Variants in PALM observed in about 807,000 individuals in gnomAD.
PALM encodes the protein paralemmin-1.
PALM carries 18 observed loss-of-function variants against 30.7 expected under a neutral mutation model. The ratio of observed to expected loss-of-function variants is 0.59; its 90% CI spans 0.41 to 0.87. PALM has a LOEUF of 0.87. PALM is among the 40% of genes least tolerant of loss of function. The pLI, the probability that PALM is intolerant of heterozygous loss-of-function variation, is 0.00. For synonymous variants in PALM, 286 were observed against 242.8 expected, an observed-to-expected ratio of 1.18 and a Z score of -1.66; for missense variants, 529 against 555.4, an observed-to-expected ratio of 0.95 and a Z score of 0.48.
chr19:731,115 T>A lies in PALM; in HGVS notation c.290T>A (p.Val97Glu). Residue 97 changes from valine (V) to glutamate (E), a missense_variant, in exon 5 of 9, where the codon GTG (valine) becomes GAG (glutamate). Coordinates refer to ENST00000338448, the MANE Select transcript of PALM (RefSeq NM_002579.3). ...CCCAGGTTGGAGAAGGAAATTGAGG[T>A]GCTGGAGCGTGGAGACTCCGCCCCA... ...SVSRLEKEIE[V>E]LERGDSAPAT... The A allele has an allele frequency of 6.2e-7, 1 of 1,600,084 alleles. No homozygotes were observed. Among genetic ancestry groups the A allele is most frequent in the Non-Finnish European group, 8.5e-7 (1 of 1,173,788 alleles).
Position 742,201 on chromosome 19 carries a change from C to A in PALM, c.634+1718C>A, listed in dbSNP as rs8108278. On this transcript the variant is annotated intron_variant, in intron 8 of 8. Transcript: ENST00000338448. The surrounding 1 kb of genome is among the most constrained non-coding windows in gnomAD (Gnocchi z 5.5). The stretch of plus-strand genomic sequence containing the variant: ...GAAGCCCCATCCCCATCAGCTGTCA[C>A]TTCCTGTCCCCTCCCCAGTCAGCGT... Among the ~76,000 whole-genome samples the A allele has an allele frequency of 7.9e-5, 12 of 152,114 alleles. No homozygotes were observed. Among genetic ancestry groups the A allele is most frequent in the Non-Finnish European group, 1.5e-4 (10 of 68,022 alleles).
chr19:744,880 G>C (rs11085206), intron 8 of PALM, among the ~76,000 whole-genome samples: 59,905 of 146,468 alleles, frequency 0.41, 12,899 homozygotes, highest in Middle Eastern at 0.56. Context: ...GGCGACAGAG[G>C]GAGTCAAAAA....
intron 4 of PALM, among the ~76,000 whole-genome samples, chr19:730,727 C>T (rs549235494): frequency 6.6e-6 from 1 of 152,224 alleles, no homozygotes; most frequent in African/African-American, 2.4e-5. Context: ...AGGCCGAGTG[C>T]GGTGGGTCAC....
In PALM at chr19:746,638, G is replaced by A. The variant is rs762171026; in HGVS notation, c.988G>A (p.Val330Ile). 50 of 1,612,810 alleles carry A rather than the reference G, an allele frequency of 3.1e-5. No homozygotes were observed. The highest frequency in any genetic ancestry group is 1.6e-4 in the Middle Eastern group (1 of 6,084). Residue 330 changes from valine to isoleucine, a missense_variant, in exon 9 of 9, where the codon GTC becomes ATC. Val to Ile is a conservative substitution (Grantham distance 29). Coordinates refer to ENST00000338448, the MANE Select transcript of PALM (RefSeq NM_002579.3). This position sits in a 1 kb window ranked among gnomAD's most constrained non-coding sequence, Gnocchi z 7.1. ...LQDTITAELV[V>I]IEDAAEPKEP... ...AGATACCATCACGGCGGAGCTGGTG[G>A]TCATCGAAGACGCGGCTGAGCCCAA...
At chr19:711,155 A>G in intron 1 of PALM, 1 of 974,900 alleles carries the variant, frequency 1.0e-6, no homozygotes, top group East Asian at 1.1e-4. Flanking sequence ...TGAGGATTTA[A>G]GGAGAACTAG....
chr19:716,349 G>A (rs1436531044), intron 1 of PALM, among the ~76,000 whole-genome samples: 1 of 152,014 alleles, frequency 6.6e-6, no homozygotes, highest in African/African-American at 2.4e-5. Context: ...GGAGGAGGTT[G>A]CAGTGAGCCG....
In PALM at chr19:736,103, C is replaced by T. The variant is rs780178124; in HGVS notation, c.502+25C>T. On this transcript the variant is annotated intron_variant, in intron 7 of 8. Transcript: ENST00000338448. The stretch of plus-strand genomic sequence containing the variant: ...GGTGGGTTGGCCCCCAGGCTCTGGG[C>T]CCCAGATCCAGCCGCTGTCAGGGAC... 1.1e-5 allele frequency: 17 copies of T among 1,579,644 alleles called. No individual in the cohort carries two copies. The South Asian group carries it at 1.7e-4, about 16-fold the overall frequency.
intron 4 of PALM, among the ~76,000 whole-genome samples, chr19:730,721 C>T (rs1230581818): frequency 2.0e-5 from 3 of 152,084 alleles, no homozygotes; most frequent in Non-Finnish European, 4.4e-5. Flanking sequence ...AGAGCTAGGC[C>T]GAGTGCGGTG....
At chr19:736,679 A>G (rs1165769908) in intron 7 of PALM, among the ~76,000 whole-genome samples, 1 of 152,230 alleles carries the variant, frequency 6.6e-6, no homozygotes, top group Non-Finnish European at 1.5e-5. Context: ...GGCCCGGCAC[A>G]GGACAGGAGC....
chr19:736,382 C>T (rs73508313), intron 7 of PALM, among the ~76,000 whole-genome samples: 2,661 of 152,302 alleles, frequency 0.017, 83 homozygotes, highest in African/African-American at 0.06. Flanking sequence ...TCACGGCTCC[C>T]TCCTGGGGCC....
chr19:728,627 G>T (rs545784239), intron 4 of PALM, among the ~76,000 whole-genome samples: 1 of 152,068 alleles, frequency 6.6e-6, no homozygotes. Context: ...GACCAACATC[G>T]TGAAACCCCA....
At position 731,225 on chromosome 19, in the gene PALM, G is replaced by A. The variant is rs1377236370; in HGVS notation, c.400G>A (p.Val134Met). ...AGCCAAGGAGGAGCGCAAGACAGAG[G>A]TGGTGATGAATTCACAGCAGGTAAG... ...SPAKEERKTE[V>M]VMNSQQTPVG... The change falls in exon 5 of 9, where the codon GTG becomes ATG. Residue 134 changes from valine to methionine, a missense_variant. Val to Met is a conservative substitution (Grantham distance 21). Transcript: ENST00000338448. The A allele has an allele frequency of 1.2e-6, 2 of 1,610,802 alleles. No homozygotes were observed. The highest frequency in any genetic ancestry group is 8.5e-7 in the Non-Finnish European group (1 of 1,179,142).
rs1362442541 is a variant in PALM at position 711,220 on chromosome 19, G to T, written c.5+2069G>T. 4 of 980,896 alleles carry T rather than the reference G, an allele frequency of 4.1e-6. No individual in the cohort carries two copies. In the Admixed American group the frequency reaches 1.8e-4, roughly 45 times the overall value. The allele number at this position is 980,896 out of a possible 1,614,324, so 60.8% of individuals were successfully genotyped here. ...CAAGGTGAGGAGAACGTCCAGGAAG[G>T]AGCTGGGGAGAATCTCTGCTTCGGA... On this transcript the variant is annotated intron_variant, in intron 1 of 8. Coordinates refer to ENST00000338448, the MANE Select transcript of PALM (RefSeq NM_002579.3).
At chr19:730,969 C>G (rs2032851440) in intron 4 of PALM, 126 bp from the exon 5 acceptor site, 1 of 646,658 alleles carries the variant, frequency 1.5e-6, no homozygotes, top group Non-Finnish European at 2.6e-6. Context: ...CCATTGCACT[C>G]CAGCCTGGGC....
intron 8 of PALM, among the ~76,000 whole-genome samples, chr19:740,764 G>A (rs1192406165): frequency 2.0e-5 from 3 of 152,234 alleles, no homozygotes; most frequent in Admixed American, 6.5e-5. Flanking sequence ...AGGGAAATCC[G>A]GAGGTAGATT....
chr19:721,956 T>C (rs2032497204), intron 1 of PALM, among the ~76,000 whole-genome samples: 2 of 151,872 alleles, frequency 1.3e-5, no homozygotes, highest in South Asian at 4.1e-4. Context: ...TCTCGCTCTG[T>C]CGCCCAGGCT....
At chr19:736,187 C>A in intron 7 of PALM, 109 bp downstream of exon 7, 2 of 754,504 alleles carry the variant, frequency 2.7e-6, no homozygotes, top group Non-Finnish European at 4.3e-6. Flanking sequence ...CTCTCCGCAG[C>A]GTCTGACGGG....
At chr19:730,981 A>G in intron 4 of PALM, 114 bp from the exon 5 acceptor site, 2 of 688,478 alleles carry the variant, frequency 2.9e-6, no homozygotes, top group Non-Finnish European at 4.8e-6. Flanking sequence ...AGCCTGGGCA[A>G]CAAGAGCGAG....
Position 740,345 on chromosome 19 carries a change from G to C in PALM, c.503-7G>C, listed in dbSNP as rs758455631. On this transcript the variant is annotated splice_polypyrimidine_tract_variant and splice_region_variant and intron_variant, in intron 7 of 8. Transcript: ENST00000338448. ...GCCGTGGTGTAACCCCGTGACTCTC[G>C]TGCCAGCCATGTACTCGGTTGAGAT... 1.9e-6 allele frequency: 3 copies of C among 1,559,736 alleles called. No homozygotes were observed. Among genetic ancestry groups the C allele is most frequent in the Admixed American group, 1.9e-5 (1 of 52,436 alleles).
Sources: gnomAD v4.1 joint callset for allele counts (sites outside exome capture counted in the v4.1 genomes callset) on GRCh38, gnomAD v4.1.1 for gene constraint, Gnocchi (gnomAD v3.1) non-coding constraint, MANE v1.5 for transcripts, NCBI Gene and HGNC (gene_info 2026-07-23, HGNC 2026-07-21) for gene names.